Variants in TMEM132D observed in about 807,000 individuals in gnomAD.
The protein encoded by TMEM132D is mature OL transmembrane protein.
A neutral mutation model predicts 62.3 loss-of-function variants in TMEM132D; 21 were observed. The observed-to-expected ratio is 0.34, with a 90% CI of 0.24 to 0.49. The LOEUF is 0.49. TMEM132D is among the 20% of genes least tolerant of loss of function. The probability of loss-of-function intolerance (pLI) is 0.99; values close to 1 mark genes in which losing one functional copy is unlikely to be tolerated. For synonymous variants in TMEM132D, 621 were observed against 575.6 expected (o/e 1.08, Z -1.13); for missense variants, 1,346 against 1,402.8 (o/e 0.96, Z 0.65).
At chr12:129,618,279 T>C (rs926354264) in intron 2 of TMEM132D, among the ~76,000 whole-genome samples, 2 of 152,236 alleles carry the variant, frequency 1.3e-5, no homozygotes, top group Admixed American at 6.5e-5. Flanking sequence ...TAGAAAATCA[T>C]AATATCTAAA....
At chr12:129,223,357 C>A (rs1315496134) in intron 4 of TMEM132D, among the ~76,000 whole-genome samples, 1 of 152,150 alleles carries the variant, frequency 6.6e-6, no homozygotes, top group Non-Finnish European at 1.5e-5. Context: ...ACTCAGTCAC[C>A]ATGCTGTGAA....
chr12:129,497,031 G>A (rs936154893), intron 3 of TMEM132D, among the ~76,000 whole-genome samples: 1 of 152,158 alleles, frequency 6.6e-6, no homozygotes, highest in Non-Finnish European at 1.5e-5. Context: ...TTGCTGGCCG[G>A]GCGCAGTGGC....
intron 3 of TMEM132D, among the ~76,000 whole-genome samples, chr12:129,388,812 C>G (rs1593361194): frequency 9.4e-6 from 1 of 105,838 alleles, no homozygotes; most frequent in East Asian, 2.3e-4. Context: ...AACACAAATC[C>G]TAATATAAAC....
intron 3 of TMEM132D, among the ~76,000 whole-genome samples, chr12:129,360,958 C>G (rs1423357042): frequency 6.6e-6 from 1 of 152,176 alleles, no homozygotes; most frequent in African/African-American, 2.4e-5. Flanking sequence ...AGCAGTCAAT[C>G]TGTGAATGGG....
chr12:129,603,196 GTTACACATT>G (rs959822951), intron 2 of TMEM132D, among the ~76,000 whole-genome samples: 3 of 152,156 alleles, frequency 2.0e-5, no homozygotes, highest in Non-Finnish European at 2.9e-5. Context: ...CACACTTGGT[GTTACACATT>G]TTATGGGTTT....
Position 129,283,637 on chromosome 12 carries a change from C to T in TMEM132D, c.1299+53997G>A, listed in dbSNP as rs115797912. Among the ~76,000 whole-genome samples, 244 of 152,292 alleles carry T rather than the reference C, an allele frequency of 1.6e-3. 1 individual carries two copies. Among genetic ancestry groups the T allele is most frequent in the African/African-American group, 5.4e-3 (226 of 41,560 alleles). On this transcript the variant is annotated intron_variant, in intron 4 of 8. Transcript: ENST00000422113. ...TTTGAAAATGGAATTGTCCTCCCTT[C>T]GACATGATGGGGAGACAGGGCAGGT...
intron 2 of TMEM132D, among the ~76,000 whole-genome samples, chr12:129,564,827 G>T (rs553979574): frequency 6.6e-6 from 1 of 152,262 alleles, no homozygotes; most frequent in South Asian, 2.1e-4. Flanking sequence ...GGCAATGATG[G>T]GTATTGTTGT....
At chr12:129,171,964 C>A (rs1056798639) in intron 5 of TMEM132D, among the ~76,000 whole-genome samples, 4 of 152,144 alleles carry the variant, frequency 2.6e-5, no homozygotes, top group African/African-American at 9.7e-5. Context: ...GTCAGCCTGT[C>A]CTTTGGAGCT....
rs879358023 is a variant in TMEM132D at position 129,371,280 on chromosome 12, G to GTGA, written c.1116-33466_1116-33464dup. Among the ~76,000 whole-genome samples, 5 of 151,848 alleles carry GTGA rather than the reference G, an allele frequency of 3.3e-5. No individual in the cohort carries two copies. Among genetic ancestry groups the GTGA allele is most frequent in the Non-Finnish European group, 5.9e-5 (4 of 67,954 alleles). On this transcript the variant is annotated intron_variant, in intron 3 of 8. Coordinates refer to ENST00000422113, the MANE Select transcript of TMEM132D (RefSeq NM_133448.3). The surrounding 1 kb of genome is among the most constrained non-coding windows in gnomAD (Gnocchi z 4.3). ...GATGATGATGATGAAGGTGGTGTTG[G>GTGA]TGACGATGATGATGATGATGGAGAT...
intron 2 of TMEM132D, among the ~76,000 whole-genome samples, chr12:129,573,617 G>A (rs1877578863): frequency 6.6e-6 from 1 of 152,154 alleles, no homozygotes; most frequent in Admixed American, 6.5e-5. Flanking sequence ...ATTTGGATGT[G>A]TGACTGTGTG....
At chr12:129,323,402 A>G (rs1309152782) in intron 4 of TMEM132D, among the ~76,000 whole-genome samples, 2 of 136,972 alleles carry the variant, frequency 1.5e-5, no homozygotes, top group Non-Finnish European at 3.2e-5. Flanking sequence ...AACATGCTGC[A>G]AAGAGAAAAA....
chr12:129,734,369 T>G (rs1869351456), intron 1 of TMEM132D, among the ~76,000 whole-genome samples: 1 of 152,222 alleles, frequency 6.6e-6, no homozygotes, highest in Non-Finnish European at 1.5e-5. Context: ...ACTCTACTTT[T>G]AAGAATCAGG....
chr12:129,498,249 C>A (rs1019748313), intron 3 of TMEM132D, among the ~76,000 whole-genome samples: 1 of 151,290 alleles, frequency 6.6e-6, no homozygotes, highest in African/African-American at 2.4e-5. Context: ...TGTCCAAAAT[C>A]TTTTATTTGT....
At chr12:129,568,599 A>G (rs1328694621) in intron 2 of TMEM132D, among the ~76,000 whole-genome samples, 1 of 152,222 alleles carries the variant, frequency 6.6e-6, no homozygotes, top group Non-Finnish European at 1.5e-5. Flanking sequence ...GTGGAGAGGC[A>G]GTTCATTTCT....
chr12:129,142,901 T>C (rs1206565827), intron 5 of TMEM132D, among the ~76,000 whole-genome samples: 3 of 152,138 alleles, frequency 2.0e-5, no homozygotes, highest in Non-Finnish European at 4.4e-5. Context: ...TGGAACCCCT[T>C]GGGTGACATG....
chr12:129,666,075 C>T (rs987530305), intron 2 of TMEM132D, among the ~76,000 whole-genome samples: 5 of 152,166 alleles, frequency 3.3e-5, no homozygotes, highest in African/African-American at 7.2e-5. Flanking sequence ...AAAAGCACTG[C>T]GCTGTCTTCT....
At chr12:129,345,906 T>A (rs1167226036) in intron 3 of TMEM132D, among the ~76,000 whole-genome samples, 3 of 152,196 alleles carry the variant, frequency 2.0e-5, no homozygotes, top group Non-Finnish European at 4.4e-5. Flanking sequence ...TTCTTTTTTT[T>A]ATTGCGTCTC....
intron 5 of TMEM132D, among the ~76,000 whole-genome samples, chr12:129,123,818 G>A (rs1179412873): frequency 1.3e-5 from 2 of 152,038 alleles, no homozygotes; most frequent in Non-Finnish European, 2.9e-5. Context: ...CTTTTACTGG[G>A]AAATCCATCA....
At chr12:129,103,815 C>T (rs1875395531) in intron 5 of TMEM132D, among the ~76,000 whole-genome samples, 1 of 144,154 alleles carries the variant, frequency 6.9e-6, no homozygotes. Flanking sequence ...AATAAAATAC[C>T]CAGGAATCCA....
Sources: allele counts gnomAD v4.1 joint callset (sites outside exome capture counted in the v4.1 genomes callset), GRCh38; gene constraint gnomAD v4.1.1; non-coding constraint Gnocchi (gnomAD v3.1); transcripts MANE v1.5; gene names NCBI Gene and HGNC (gene_info 2026-07-23, HGNC 2026-07-21).